Variants in SNX8 observed in about 807,000 individuals in gnomAD.
The protein encoded by SNX8 is sorting nexin-8.
In SNX8, 25 loss-of-function variants were observed where a neutral mutation model predicts 51.6. The observed-to-expected ratio is 0.48, with a 90% CI of 0.35 to 0.68. The LOEUF (loss-of-function observed/expected upper bound fraction) is 0.68. Among genes scored for constraint, SNX8 ranks in the 30% least tolerant of loss-of-function variants. The pLI is 0.00. For missense variants in SNX8, 695 were observed against 624.0 expected, an observed-to-expected ratio of 1.11 and a Z score of -1.21; for synonymous variants, 324 against 277.0, an observed-to-expected ratio of 1.17 and a Z score of -1.68.
chr7:2,348,013 G>A (rs1408300250), intron 1 of SNX8, among the ~76,000 whole-genome samples: 3 of 152,076 alleles, frequency 2.0e-5, no homozygotes, highest in Admixed American at 6.6e-5. Flanking sequence ...GACATAGACC[G>A]GTTTATGTAG....
rs147853805 is a variant in SNX8 at position 2,295,592 on chromosome 7, CAAA to C, written c.95-17290_95-17288del. Among the ~76,000 whole-genome samples the C allele has an allele frequency of 5.1e-3, 481 of 93,448 alleles. 5 individuals carry two copies. The highest frequency in any genetic ancestry group is 0.019 in the African/African-American group (396 of 20,740). 61.3% of individuals were successfully genotyped at this position (93,448 alleles called of 152,430 possible). A position where few individuals can be genotyped will look rare whatever the true frequency, so the allele number is the denominator to read the frequency against. On this transcript the variant is annotated intron_variant, in intron 1 of 10. Coordinates refer to ENST00000222990, the MANE Select transcript of SNX8 (RefSeq NM_013321.4). ...TGGTGGCAGGCGCCTGTAATCCCAG[CAAA>C]AAAAAAAAAAAAAAAAAAAAAAAGG... is the stretch of plus-strand genomic sequence containing the variant.
At chr7:2,313,134 C>G (rs1325146293) in intron 1 of SNX8, among the ~76,000 whole-genome samples, 2 of 151,850 alleles carry the variant, frequency 1.3e-5, no homozygotes. Flanking sequence ...CTCCTGACCT[C>G]GTGATCCGCC....
chr7:2,295,802 G>T (rs1461114099), intron 1 of SNX8, among the ~76,000 whole-genome samples: 1 of 152,044 alleles, frequency 6.6e-6, no homozygotes, highest in African/African-American at 2.4e-5. Flanking sequence ...TTTGCATGTG[G>T]CTATCCAATT....
chr7:2,255,094 G>A lies in SNX8; in HGVS notation c.1360C>T (p.Pro454Ser). ...FAGPHSTLTPPCSPPEDGLCP... is the reference protein window; with the variant it reads ...FAGPHSTLTPSCSPPEDGLCP... ...AGGCCGTCCTCCGGCGGGGAGCACG[G>A]TGGGGTCAGGGTGCTGTGTGGTCCC... The change falls in exon 11 of 11, where the codon CCG becomes TCG. Residue 454 changes from proline to serine, a missense_variant. Pro to Ser is a moderately conservative substitution (Grantham distance 74, BLOSUM62 -1). Transcript: ENST00000222990. The A allele has an allele frequency of 6.3e-7, 1 of 1,580,432 alleles. No homozygotes were observed. The highest frequency in any genetic ancestry group is 8.6e-7 in the Non-Finnish European group (1 of 1,163,840).
intron 7 of SNX8, among the ~76,000 whole-genome samples, chr7:2,262,263 C>T (rs1303358674): frequency 6.6e-6 from 1 of 152,168 alleles, no homozygotes; most frequent in Non-Finnish European, 1.5e-5. Flanking sequence ...TGGTCCTGAA[C>T]TCCTGGGCTC....
intron 1 of SNX8, among the ~76,000 whole-genome samples, chr7:2,333,498 G>C (rs577852962): frequency 1.5e-4 from 23 of 152,034 alleles, no homozygotes; most frequent in Non-Finnish European, 2.5e-4. Flanking sequence ...GCAGTTCAAG[G>C]CTGTGGTGAG....
At chr7:2,272,039 G>A in intron 3 of SNX8, 68 bp from the exon 4 acceptor site, 4 of 1,597,936 alleles carry the variant, frequency 2.5e-6, no homozygotes, top group Non-Finnish European at 3.4e-6. Context: ...CTCTGGGCGA[G>A]TTCTCAAAAC....
intron 7 of SNX8, among the ~76,000 whole-genome samples, chr7:2,258,484 G>C (rs1451463677): frequency 6.6e-6 from 1 of 152,000 alleles, no homozygotes; most frequent in Non-Finnish European, 1.5e-5. Context: ...CGACCCCTAA[G>C]GCTCCATCAA....
At chr7:2,274,289 A>G (rs1245131656) in intron 3 of SNX8, among the ~76,000 whole-genome samples, 1 of 152,230 alleles carries the variant, frequency 6.6e-6, no homozygotes, top group Non-Finnish European at 1.5e-5. Context: ...GCATCATCGT[A>G]CGATTTCAGA....
chr7:2,318,278 C>T (rs1263296129), upstream of SNX8, among the ~76,000 whole-genome samples: 1 of 152,128 alleles, frequency 6.6e-6, no homozygotes, highest in African/African-American at 2.4e-5. Context: ...TAGCCAGGCA[C>T]AGTTGCTCAC....
At chr7:2,300,114 TC>T (rs1011933027) in intron 1 of SNX8, among the ~76,000 whole-genome samples, 3 of 152,110 alleles carry the variant, frequency 2.0e-5, no homozygotes, top group Non-Finnish European at 2.9e-5. Flanking sequence ...AGTCAGTTTT[TC>T]CCCCACGGCT....
intron 1 of SNX8, among the ~76,000 whole-genome samples, chr7:2,342,470 A>G (rs1375746390): frequency 1.3e-5 from 2 of 152,096 alleles, no homozygotes; most frequent in African/African-American, 2.4e-5. Flanking sequence ...CCTGGCCAAC[A>G]TGGTGAAACC....
At chr7:2,282,543 T>C (rs1795931011) in intron 1 of SNX8, among the ~76,000 whole-genome samples, 3 of 152,276 alleles carry the variant, frequency 2.0e-5, no homozygotes, top group Admixed American at 2.0e-4. Flanking sequence ...GTAACGAAAC[T>C]TCAAACACAC....
chr7:2,353,459 T>G (rs1669080213), intron 1 of SNX8, among the ~76,000 whole-genome samples: 1 of 152,250 alleles, frequency 6.6e-6, no homozygotes, highest in African/African-American at 2.4e-5. Flanking sequence ...TTTATTTTAT[T>G]TTTTCGAAGA....
Position 2,283,075 on chromosome 7 carries a change from C to T in SNX8, c.95-4770G>A, listed in dbSNP as rs550969048. Among the ~76,000 whole-genome samples, 9 of 151,784 alleles carry T rather than the reference C, an allele frequency of 5.9e-5. No homozygotes were observed. The East Asian group carries it at 1.7e-3, about 29-fold the overall frequency. ...GGCGGAGCTTGCAGTGAGCAGAGAT[C>T]GCGCCACTGCACTCCAGCCTGGGCG... On this transcript the variant is annotated intron_variant, in intron 1 of 10. Transcript: ENST00000222990.
At chr7:2,273,688 G>A (rs531188976) in intron 3 of SNX8, among the ~76,000 whole-genome samples, 2 of 151,416 alleles carry the variant, frequency 1.3e-5, no homozygotes, top group African/African-American at 2.4e-5. Context: ...CGGATCACGA[G>A]GTCAGGAGAT....
chr7:2,319,294 A>G (rs1277928122), upstream of SNX8, among the ~76,000 whole-genome samples: 1 of 152,020 alleles, frequency 6.6e-6, no homozygotes, highest in East Asian at 1.9e-4. Context: ...GTGAGCTGAG[A>G]TCACACCACT....
chr7:2,337,016 A>C (rs933103973), intron 1 of SNX8: 11 of 151,656 alleles, frequency 7.3e-5, no homozygotes, highest in Non-Finnish European at 1.2e-4. Context: ...CTCAAAAAAA[A>C]AAAAGAAAGA....
chr7:2,283,113 T>G (rs1373490164), intron 1 of SNX8, among the ~76,000 whole-genome samples: 3 of 147,592 alleles, frequency 2.0e-5, no homozygotes, highest in Non-Finnish European at 4.5e-5. Context: ...AAAACCAGAC[T>G]CCGTCTCAAA....
Sources: allele counts gnomAD v4.1 joint callset (sites outside exome capture counted in the v4.1 genomes callset), GRCh38; gene constraint gnomAD v4.1.1; transcripts MANE v1.5; gene names NCBI Gene and HGNC (gene_info 2026-07-23, HGNC 2026-07-21).